The following TPRKB variants were observed in gnomAD, a reference collection of about 807,000 sequenced individuals.
TPRKB encodes EKC/KEOPS complex subunit TPRKB.
TPRKB carries 11 observed loss-of-function variants against 17.8 expected under a neutral mutation model. The observed-to-expected ratio is 0.62, with a 90% CI of 0.39 to 1.02. The LOEUF is 1.02. TPRKB is among the 50% of genes least tolerant of loss of function. The pLI is 0.00. For synonymous variants in TPRKB, 71 were observed against 69.5 expected (o/e 1.02, Z -0.11); for missense variants, 228 against 198.0 (o/e 1.15, Z -0.91).
chr2:73,730,641 T>A lies in TPRKB; in HGVS notation c.360A>T (p.Glu120Asp). The A allele has an allele frequency of 6.3e-7, 1 of 1,593,482 alleles. No individual in the cohort carries two copies. Among genetic ancestry groups the A allele is most frequent in the Non-Finnish European group, 8.5e-7 (1 of 1,172,426 alleles). The change falls in exon 4 of 5, where the codon GAA becomes GAT. Residue 120 changes from glutamate to aspartate, a missense_variant. Glu to Asp is a conservative substitution (Grantham distance 45). Transcript: ENST00000272424. Reference sequence around the variant, plus strand: ...GACCTTCTACTTGAGATATTAGGTATTCTTGATTTATTTGTTTTTCTCCCT... The same window carrying A: ...GACCTTCTACTTGAGATATTAGGTAATCTTGATTTATTTGTTTTTCTCCCT... ...IEEGEKQINQ[E>D]YLISQVEGHQ...
intron 2 of TPRKB, among the ~76,000 whole-genome samples, chr2:73,733,236 C>A (rs1223839428): frequency 7.1e-6 from 1 of 141,096 alleles, no homozygotes; most frequent in Non-Finnish European, 1.5e-5. Flanking sequence ...GATCGCACTG[C>A]GTGTGCCCTG....
chr2:73,735,753 TTAA>T (rs1244643742), intron 1 of TPRKB, among the ~76,000 whole-genome samples: 2 of 152,234 alleles, frequency 1.3e-5, no homozygotes, highest in Non-Finnish European at 2.9e-5. Context: ...TATCAAATTC[TTAA>T]TAAAATATTT....
At chr2:73,732,561 T>C (rs1394804689) in intron 2 of TPRKB, 4 of 325,814 alleles carry the variant, frequency 1.2e-5, no homozygotes, top group East Asian at 7.3e-5. Flanking sequence ...ATACAAAAAT[T>C]AGTCAGGCGT....
chr2:73,733,379 C>T (rs2901452), intron 2 of TPRKB, among the ~76,000 whole-genome samples: 3,371 of 151,396 alleles, frequency 0.022, 153 homozygotes, highest in Admixed American at 0.12. Flanking sequence ...GTGCCTCAGC[C>T]TCCCGAGTAG....
intron 3 of TPRKB, 37 bp downstream of exon 3, chr2:73,732,126 A>G: frequency 6.2e-7 from 1 of 1,600,708 alleles, no homozygotes; most frequent in Non-Finnish European, 8.5e-7. Flanking sequence ...ATATGTTATT[A>G]TGACACGGTC....
chr2:73,735,280 C>T (rs982966064), intron 1 of TPRKB, among the ~76,000 whole-genome samples: 1 of 151,524 alleles, frequency 6.6e-6, no homozygotes, highest in Non-Finnish European at 1.5e-5. Context: ...TGCAGTGAGC[C>T]GAGATCATAC....
At chr2:73,735,309 G>T (rs1012537074) in intron 1 of TPRKB, among the ~76,000 whole-genome samples, 2 of 149,884 alleles carry the variant, frequency 1.3e-5, no homozygotes, top group African/African-American at 4.9e-5. Context: ...CCCAGCCTGG[G>T]CAACAAGAGT....
chr2:73,735,361 T>C (rs542803412), intron 1 of TPRKB, among the ~76,000 whole-genome samples: 8 of 150,752 alleles, frequency 5.3e-5, no homozygotes, highest in Admixed American at 5.3e-4. Context: ...GGGGAAGGGA[T>C]AGCATTAGGA....
chr2:73,734,335 A>C, intron 2 of TPRKB, 94 bp downstream of exon 2: 1 of 1,309,666 alleles, frequency 7.6e-7, no homozygotes, highest in Admixed American at 2.5e-5. Flanking sequence ...CTGACCTCAG[A>C]TGATCCACCC....
chr2:73,729,999 T>C lies in TPRKB; in HGVS notation c.472A>G (p.Ile158Val), dbSNP rs1166560498. Residue 158 changes from isoleucine to valine, a missense_variant, in exon 5 of 5, where the codon ATT (isoleucine) becomes GTT (valine). Coordinates refer to ENST00000272424, the MANE Select transcript of TPRKB (RefSeq NM_016058.5). The part of the protein sequence containing the change: ...IYKLSSQEES[I>V]GTLLDAIICR... ...ATGATAGCATCCAATAATGTCCCAA[T>C]ACTTTCTTCTTGTGAAGAGAGTTTA... The C allele has an allele frequency of 5.7e-6, 9 of 1,574,930 alleles. No homozygotes were observed. Among genetic ancestry groups the C allele is most frequent in the East Asian group, 2.3e-5 (1 of 44,034 alleles).
At chr2:73,732,469 TGGGA>T in intron 2 of TPRKB, 184 bp from the exon 3 acceptor site, 1 of 628,492 alleles carries the variant, frequency 1.6e-6, no homozygotes, top group Non-Finnish European at 2.6e-6. Flanking sequence ...CCTAGCACTT[TGGGA>T]GGCCAAGGTG....
At chr2:73,730,259 A>G (rs182820282) in intron 4 of TPRKB, 27 of 445,084 alleles carry the variant, frequency 6.1e-5, no homozygotes, top group Non-Finnish European at 9.4e-5. Flanking sequence ...CCAAATTTCT[A>G]TCCATTTTAA....
chr2:73,737,085 C>G (rs1274076141), intron 1 of TPRKB, among the ~76,000 whole-genome samples: 2 of 152,182 alleles, frequency 1.3e-5, no homozygotes, highest in Non-Finnish European at 2.9e-5. Context: ...CCAATCACAA[C>G]TCTGAAGAAT....
chr2:73,735,785 C>T (rs1468751478), intron 1 of TPRKB, among the ~76,000 whole-genome samples: 3 of 152,158 alleles, frequency 2.0e-5, no homozygotes, highest in Admixed American at 6.5e-5. Flanking sequence ...CAATTTGAGA[C>T]TCATTTTATC....
In TPRKB at chr2:73,732,440, G is replaced by A. The variant is rs141325450; in HGVS notation, c.142-155C>T. On this transcript the variant is annotated intron_variant, in intron 2 of 4. Coordinates refer to ENST00000272424, the MANE Select transcript of TPRKB (RefSeq NM_016058.5). ...CAAAACTATTATCCCGGCTGGGCAC[G>A]GTGGCTCACACCTGTAATCCTAGCA... 3.4e-3 allele frequency: 2,891 copies of A among 852,510 alleles called. 50 individuals carry two copies. Among genetic ancestry groups the A allele is most frequent in the African/African-American group, 0.033 (1,928 of 58,296 alleles). The allele number at this position is 852,510 out of a possible 1,614,324, so 52.8% of individuals were successfully genotyped here.
Position 73,734,458 on chromosome 2 carries a change from T to C in TPRKB, c.112A>G (p.Ile38Val). The C allele has an allele frequency of 6.2e-7, 1 of 1,613,866 alleles. No homozygotes were observed. The highest frequency in any genetic ancestry group is 8.5e-7 in the Non-Finnish European group (1 of 1,179,924). Residue 38 changes from isoleucine to valine, a missense_variant, in exon 2 of 5, where the codon ATC becomes GTC. Coordinates refer to ENST00000272424, the MANE Select transcript of TPRKB (RefSeq NM_016058.5). The stretch of plus-strand genomic sequence containing the variant: ...GTAGGATTTATCAGTGATCCATCGA[T>C]GGTGCCTTCCATGGCCTTTCTTCTC... ...DLRRKAMEGT[I>V]DGSLINPTVI...
intron 1 of TPRKB, among the ~76,000 whole-genome samples, chr2:73,737,047 T>C (rs1428992234): frequency 6.6e-6 from 1 of 152,204 alleles, no homozygotes; most frequent in East Asian, 1.9e-4. Flanking sequence ...CGGCTCTTTT[T>C]AGTCTGAGGA....
Position 73,732,390 on chromosome 2 carries a change from T to C in TPRKB, c.142-105A>G, listed in dbSNP as rs1671657180. 11 of 1,258,600 alleles carry C rather than the reference T, an allele frequency of 8.7e-6. 1 individual carries two copies. In the South Asian group the frequency reaches 1.6e-4, roughly 19 times the overall value. 78.0% of individuals were successfully genotyped at this position (1,258,600 alleles called of 1,614,324 possible). On this transcript the variant is annotated intron_variant, in intron 2 of 4. Transcript: ENST00000272424. ...TCCAGTGTCAAGCTGTTTTACTTCA[T>C]CACAATTCTTACGGTCTGTATTTTC...
At chr2:73,732,049 T>G (rs575331093) in intron 3 of TPRKB, 114 bp downstream of exon 3, 1 of 1,157,498 alleles carries the variant, frequency 8.6e-7, no homozygotes, top group African/African-American at 1.5e-5. Context: ...CTCTTCACTA[T>G]TATTTGGGTT....
Sources: allele counts gnomAD v4.1 joint callset (sites outside exome capture counted in the v4.1 genomes callset), GRCh38; gene constraint gnomAD v4.1.1; transcripts MANE v1.5; gene names NCBI Gene and HGNC (gene_info 2026-07-23, HGNC 2026-07-21).